Variants in IGFBP7 observed in about 807,000 individuals in gnomAD.
IGFBP7 encodes the protein insulin-like growth factor-binding protein 7.
Under a neutral mutation model 29.4 loss-of-function variants are expected in IGFBP7, and 31 were observed. The observed-to-expected ratio is 1.05, with a 90% CI of 0.79 to 1.42. IGFBP7 has a LOEUF of 1.42. IGFBP7 is among the 40% of genes most tolerant of loss of function. The probability of loss-of-function intolerance (pLI) is 0.00; values close to 1 mark genes in which losing one functional copy is unlikely to be tolerated. For synonymous variants in IGFBP7, 172 were observed against 174.9 expected, an observed-to-expected ratio of 0.98 and a Z score of 0.13; for missense variants, 393 against 395.5, an observed-to-expected ratio of 0.99 and a Z score of 0.05.
chr4:57,079,405 GA>G (rs1009976118), intron 1 of IGFBP7, among the ~76,000 whole-genome samples: 10 of 147,860 alleles, frequency 6.8e-5, no homozygotes, highest in Middle Eastern at 3.5e-3. Flanking sequence ...ACAGCCATGG[GA>G]AAAAAAAAAG....
rs193292349 is a variant in IGFBP7, at chr4:57,098,481, G to A, written c.475+11396C>T. ...AGAACAGGCCTGCCCTGCCCTGCCA[G>A]TTATTTTCTAGTGAACCAAAGGCCC... On this transcript the variant is annotated intron_variant, in intron 1 of 4. Transcript: ENST00000295666. Among the ~76,000 whole-genome samples the A allele has an allele frequency of 7.2e-5, 11 of 152,264 alleles. No homozygotes were observed. In the East Asian group the frequency reaches 1.2e-3, roughly 16 times the overall value.
At chr4:57,032,633 A>C in intron 3 of IGFBP7, 81 bp from the exon 4 acceptor site, 1 of 1,137,448 alleles carries the variant, frequency 8.8e-7, no homozygotes, top group Non-Finnish European at 1.3e-6. Flanking sequence ...ATTATTTCAT[A>C]AATTTCCTAA....
At chr4:57,055,480 C>T (rs989577641) in intron 1 of IGFBP7, among the ~76,000 whole-genome samples, 1 of 152,132 alleles carries the variant, frequency 6.6e-6, no homozygotes, top group African/African-American at 2.4e-5. Context: ...AAATTATGTT[C>T]GTAGGTCTTT....
At chr4:57,098,794 C>T (rs544187162) in intron 1 of IGFBP7, among the ~76,000 whole-genome samples, 1 of 152,182 alleles carries the variant, frequency 6.6e-6, no homozygotes, top group Non-Finnish European at 1.5e-5. Flanking sequence ...TGAGGGGGGT[C>T]CTTTGGAAGC....
In IGFBP7 at chr4:57,110,242, G is replaced by A; in HGVS notation, c.110C>T (p.Pro37Leu). 9 of 1,390,440 alleles carry A rather than the reference G, an allele frequency of 6.5e-6. No homozygotes were observed. Among genetic ancestry groups the A allele is most frequent in the Non-Finnish European group, 8.4e-6 (9 of 1,074,752 alleles). The allele number at this position is 1,390,440 out of a possible 1,614,324, so 86.1% of individuals were successfully genotyped here. ...CGGGGGCAGGGGCGGGCAGGAGGCC[G>A]GCTCGCAGGGGCCGCAGGTGTCCGA... Reference protein sequence around the residue: ...SSSDTCGPCEPASCPPLPPLG... With the variant: ...SSSDTCGPCELASCPPLPPLG... The change falls in exon 1 of 5, where the codon CCG becomes CTG. Residue 37 changes from proline (P) to leucine (L), a missense_variant. By Grantham distance (98) the Pro-to-Leu change is moderately conservative (BLOSUM62 -3). Transcript: ENST00000295666.
At chr4:57,053,055 C>T (rs35432885) in intron 1 of IGFBP7, among the ~76,000 whole-genome samples, 34,462 of 147,220 alleles carry the variant, frequency 0.23, 4,267 homozygotes, top group East Asian at 0.33. Context: ...CTTACTCTGT[C>T]GCCCAGGCTG....
chr4:57,031,641 G>A (rs544093289), intron 4 of IGFBP7, among the ~76,000 whole-genome samples: 15 of 152,248 alleles, frequency 9.9e-5, no homozygotes, highest in Admixed American at 4.6e-4. Context: ...TTTGTAGTCC[G>A]GATCTCCTTC....
chr4:57,054,376 C>A (rs958268971), intron 1 of IGFBP7, among the ~76,000 whole-genome samples: 2 of 152,038 alleles, frequency 1.3e-5, no homozygotes, highest in Non-Finnish European at 2.9e-5. Flanking sequence ...GGCTCATGCC[C>A]GTAATCCCAG....
At chr4:57,091,923 G>A (rs1430838043) in intron 1 of IGFBP7, among the ~76,000 whole-genome samples, 1 of 152,194 alleles carries the variant, frequency 6.6e-6, no homozygotes, top group Non-Finnish European at 1.5e-5. Context: ...CCTCACAGGA[G>A]GAGAATAACA....
Position 57,033,305 on chromosome 4 carries a change from T to C in IGFBP7, c.592A>G (p.Arg198Gly), listed in dbSNP as rs779438957. The C allele has an allele frequency of 1.2e-6, 2 of 1,609,214 alleles. No homozygotes were observed. The highest frequency in any genetic ancestry group is 1.7e-5 in the Admixed American group (1 of 60,012). ...GTCCTTTGAACTCCATAGTGACCCC[T>C]TTTTACCTGCAAAAACAAAAGGAGA... Reference protein sequence around the residue: ...TPVLIWNKVKRGHYGVQRTEL... With the variant: ...TPVLIWNKVKGGHYGVQRTEL... Residue 198 changes from arginine to glycine, a missense_variant, in exon 3 of 5, where the codon AGG becomes GGG. Transcript: ENST00000295666.
At chr4:57,077,227 G>A (rs1725249166) in intron 1 of IGFBP7, among the ~76,000 whole-genome samples, 1 of 152,154 alleles carries the variant, frequency 6.6e-6, no homozygotes, top group Admixed American at 6.5e-5. Flanking sequence ...TGAGACCACA[G>A]AACGCATCCA....
At chr4:57,104,960 C>G (rs1387702257) in intron 1 of IGFBP7, among the ~76,000 whole-genome samples, 1 of 152,154 alleles carries the variant, frequency 6.6e-6, no homozygotes, top group Non-Finnish European at 1.5e-5. Context: ...TGTTAATCAA[C>G]AAATATTTAT....
chr4:57,040,828 T>C lies in IGFBP7; in HGVS notation c.581A>G (p.Asn194Ser), dbSNP rs200702885. 1.2e-5 allele frequency: 19 copies of C among 1,606,108 alleles called. No homozygotes were observed. Among genetic ancestry groups the C allele is most frequent in the Admixed American group, 5.0e-5 (3 of 60,020 alleles). The change falls in exon 2 of 5, where the codon AAC (asparagine) becomes AGC (serine). Residue 194 changes from asparagine to serine, a missense_variant. Transcript: ENST00000295666. ...CTTAAAGTCTGTGCCACAGACCTTG[T>C]TCCAGATGAGGACAGGTGTCGGGAT... ...IGIPTPVLIW[N>S]KVKRGHYGVQ...
At position 57,107,156 on chromosome 4, in the gene IGFBP7, T is replaced by C. The variant is rs548542084; in HGVS notation, c.475+2721A>G. 2.6e-5 allele frequency among the ~76,000 whole-genome samples: 4 copies of C among 152,306 alleles called. No homozygotes were observed. In the South Asian group the frequency reaches 8.3e-4, roughly 32 times the overall value. On this transcript the variant is annotated intron_variant, in intron 1 of 4. Transcript: ENST00000295666. ...GAGTTTGTAACTTGTACAGATACTTTCTTAATCAGCAACATCAAATCTGTT... is the reference window on the plus strand; with the variant it reads ...GAGTTTGTAACTTGTACAGATACTTCCTTAATCAGCAACATCAAATCTGTT...
At chr4:57,035,585 C>T (rs955470712) in intron 2 of IGFBP7, among the ~76,000 whole-genome samples, 1 of 152,112 alleles carries the variant, frequency 6.6e-6, no homozygotes, top group African/African-American at 2.4e-5. Context: ...CTCAGCTTCC[C>T]GAGTAGCTGG....
At chr4:57,079,375 C>T (rs896679233) in intron 1 of IGFBP7, among the ~76,000 whole-genome samples, 16 of 152,088 alleles carry the variant, frequency 1.1e-4, no homozygotes, top group African/African-American at 3.9e-4. Context: ...CAAATAGAAC[C>T]ATTTCAGTTT....
intron 1 of IGFBP7, among the ~76,000 whole-genome samples, chr4:57,060,217 T>A (rs1242993609): frequency 6.6e-6 from 1 of 150,964 alleles, no homozygotes; most frequent in African/African-American, 2.4e-5. Flanking sequence ...ACAAATGAGG[T>A]CTGGCTGCTT....
At chr4:57,077,488 G>A (rs1725256433) in intron 1 of IGFBP7, among the ~76,000 whole-genome samples, 1 of 152,164 alleles carries the variant, frequency 6.6e-6, no homozygotes, top group African/African-American at 2.4e-5. Flanking sequence ...ATGTTGGCCA[G>A]GCTGGTCTCA....
At chr4:57,055,133 C>T (rs781256146) in intron 1 of IGFBP7, among the ~76,000 whole-genome samples, 2 of 152,092 alleles carry the variant, frequency 1.3e-5, no homozygotes, top group Non-Finnish European at 2.9e-5. Context: ...GATTTCATAG[C>T]GGGGCATCTG....
Sources: gnomAD v4.1 joint callset for allele counts (sites outside exome capture counted in the v4.1 genomes callset) on GRCh38, gnomAD v4.1.1 for gene constraint, MANE v1.5 for transcripts, NCBI Gene and HGNC (gene_info 2026-07-23, HGNC 2026-07-21) for gene names.